INTS6: variants seen among roughly 807,000 people sequenced by gnomAD.
INTS6 encodes integrator complex subunit 6, also known as DEAD box protein.
In INTS6, 16 loss-of-function variants were observed where a neutral mutation model predicts 104.9. The observed-to-expected ratio is 0.15, with a 90% CI of 0.10 to 0.23. INTS6 has a LOEUF of 0.23. Ranked by LOEUF, INTS6 falls within the 10% of genes least tolerant of loss-of-function variation. The pLI, the probability that INTS6 is intolerant of heterozygous loss-of-function variation, is 1.00. For missense variants in INTS6, 584 were observed against 1,062.8 expected, an observed-to-expected ratio of 0.55 and a Z score of 6.26; for synonymous variants, 324 against 358.7, an observed-to-expected ratio of 0.90 and a Z score of 1.09.
intron 13 of INTS6, among the ~76,000 whole-genome samples, chr13:51,375,458 A>G (rs2137889339): frequency 6.9e-6 from 1 of 143,956 alleles, no homozygotes; most frequent in South Asian, 2.2e-4. Flanking sequence ...ATTTGTAGAA[A>G]ATGGAAGTAC....
chr13:51,445,363 T>C (rs765322404), intron 3 of INTS6: 11 of 152,362 alleles, frequency 7.2e-5, no homozygotes, highest in East Asian at 5.8e-4. Flanking sequence ...GTGATACTAA[T>C]AGATGTTTAA....
At chr13:51,396,473 C>T (rs1397595621) in intron 4 of INTS6, among the ~76,000 whole-genome samples, 1 of 152,032 alleles carries the variant, frequency 6.6e-6, no homozygotes, top group Non-Finnish European at 1.5e-5. Flanking sequence ...TATAATGGGC[C>T]CTTCTATACC....
At chr13:51,410,069 G>T (rs1410340814) in intron 4 of INTS6, among the ~76,000 whole-genome samples, 1 of 152,038 alleles carries the variant, frequency 6.6e-6, no homozygotes, top group African/African-American at 2.4e-5. Flanking sequence ...TACAAATATT[G>T]CTGAAAAAAT....
chr13:51,450,267 A>C (rs1157137433), intron 3 of INTS6: 59 of 984,740 alleles, frequency 6.0e-5, no homozygotes, highest in Non-Finnish European at 7.0e-5. Flanking sequence ...ATAATATCAT[A>C]AAATGTTACA....
At chr13:51,450,842 A>G in intron 3 of INTS6, 183 bp downstream of exon 3, 1 of 1,211,928 alleles carries the variant, frequency 8.3e-7, no homozygotes. Flanking sequence ...TTAGAGGGGG[A>G]AAAAATGAGG....
rs769789762 is a variant in INTS6, at chr13:51,452,002, G to C, written c.165C>G (p.Phe55Leu). 6.2e-7 allele frequency: 1 copy of C among 1,609,810 alleles called. No individual in the cohort carries two copies. The highest frequency in any genetic ancestry group is 8.5e-7 in the Non-Finnish European group (1 of 1,177,448). ...CCTTGATAGCATAGGGCGGCTCTTCGAAAGTGACCAGCATATACCTGTCTC... is the reference window on the plus strand; with the variant it reads ...CCTTGATAGCATAGGGCGGCTCTTCCAAAGTGACCAGCATATACCTGTCTC... The part of the protein sequence containing the change: ...SRGDRYMLVT[F>L]EEPPYAIKAG... The change falls in exon 2 of 18, where the codon TTC becomes TTG. Residue 55 changes from phenylalanine to leucine, a missense_variant. By Grantham distance (22) the Phe-to-Leu change is conservative. Coordinates refer to ENST00000311234, the MANE Select transcript of INTS6 (RefSeq NM_012141.3). The surrounding 1 kb of genome is among the most constrained non-coding windows in gnomAD (Gnocchi z 4.2).
chr13:51,385,290 G>A (rs1176921717), intron 7 of INTS6: 1 of 152,874 alleles, frequency 6.5e-6, no homozygotes, highest in Admixed American at 6.5e-5. Context: ...CTCCATTACA[G>A]TTGGCACACT....
intron 3 of INTS6, chr13:51,438,782 T>C (rs924074989): frequency 2.6e-5 from 4 of 152,202 alleles, no homozygotes; most frequent in African/African-American, 9.6e-5. Flanking sequence ...ATAAGCAAGA[T>C]AGTTCACAAC....
the INTS6 span, among the ~76,000 whole-genome samples, chr13:51,347,934 T>C: frequency 2.7e-5 from 4 of 150,042 alleles, no homozygotes; most frequent in Admixed American, 2.6e-4. Flanking sequence ...CACTACTCTA[T>C]GTGGTTCTGC....
At chr13:51,433,384 G>C (rs1308598759) in intron 3 of INTS6, among the ~76,000 whole-genome samples, 3 of 152,210 alleles carry the variant, frequency 2.0e-5, no homozygotes, top group Non-Finnish European at 4.4e-5. Flanking sequence ...GAAGGTGGAG[G>C]TTGCAGTGAG....
At chr13:51,408,237 A>G (rs60912357) in intron 4 of INTS6, among the ~76,000 whole-genome samples, 5 of 148,942 alleles carry the variant, frequency 3.4e-5, no homozygotes, top group Non-Finnish European at 7.4e-5. Context: ...TCTGCCTCCC[A>G]GGTTCAAGTG....
At chr13:51,408,826 C>T (rs971171613) in intron 4 of INTS6, among the ~76,000 whole-genome samples, 2 of 152,152 alleles carry the variant, frequency 1.3e-5, no homozygotes, top group Non-Finnish European at 2.9e-5. Context: ...CTTTAATCAT[C>T]TTATTTAATC....
chr13:51,393,903 T>A (rs1337915173), intron 5 of INTS6, among the ~76,000 whole-genome samples: 11 of 152,172 alleles, frequency 7.2e-5, no homozygotes, highest in Non-Finnish European at 2.9e-5. Flanking sequence ...TATAGTATAT[T>A]TAAGTCCCAA....
intron 4 of INTS6, among the ~76,000 whole-genome samples, chr13:51,407,575 G>A (rs1252570320): frequency 1.3e-5 from 2 of 151,884 alleles, no homozygotes; most frequent in Non-Finnish European, 2.9e-5. Context: ...AAATACAGAG[G>A]AAAAAATATA....
At chr13:51,338,447 GTGGATGGATGGATGGA>G in the INTS6 span, among the ~76,000 whole-genome samples, 11 of 149,090 alleles carry the variant, frequency 7.4e-5, no homozygotes, top group Non-Finnish European at 1.5e-4. Context: ...GGATGGATAG[GTGGATGGATGGATGGA>G]TGGATGGATG....
At position 51,417,768 on chromosome 13, in the gene INTS6, CTTT is replaced by C. The variant is rs201877432; in HGVS notation, c.429+12523_429+12525del. ...TACTGCACCCGGCCAGAAAATTATTCTTTTCTCATTAAACTGTCTTAACTCTTG... is the reference window on the plus strand; with the variant it reads ...TACTGCACCCGGCCAGAAAATTATTCTCTCATTAAACTGTCTTAACTCTTG... On this transcript the variant is annotated intron_variant, in intron 4 of 17. Coordinates refer to ENST00000311234, the MANE Select transcript of INTS6 (RefSeq NM_012141.3). 4.9e-3 allele frequency among the ~76,000 whole-genome samples: 745 copies of C among 152,156 alleles called. 7 individuals are homozygous for C. Among genetic ancestry groups the C allele is most frequent in the African/African-American group, 0.016 (651 of 41,530 alleles).
Position 51,378,369 on chromosome 13 carries a change from T to G in INTS6, c.1472A>C (p.His491Pro). The change falls in exon 12 of 18, where the codon CAT becomes CCT. Residue 491 changes from histidine (H) to proline (P), a missense_variant. Physicochemically the swap from His to Pro is moderately conservative, Grantham distance 77. Around this residue, in one of 5 missense-constraint regions of INTS6, gnomAD observed 74 missense variants for 64.4 expected, o/e 1.15. Coordinates refer to ENST00000311234, the MANE Select transcript of INTS6 (RefSeq NM_012141.3). ...ETGIKVRSRS[H>P]GLSMAYRKDF... Reference sequence around the variant, plus strand: ...TTTCCTATATGCCATTGATAAACCATGTGATCGGCTCCGGACTTTTATTCC... The same window carrying G: ...TTTCCTATATGCCATTGATAAACCAGGTGATCGGCTCCGGACTTTTATTCC... 1 of 1,613,530 alleles carries G rather than the reference T, an allele frequency of 6.2e-7. No individual in the cohort carries two copies. Among genetic ancestry groups the G allele is most frequent in the Non-Finnish European group, 8.5e-7 (1 of 1,179,528 alleles).
intron 3 of INTS6, chr13:51,441,852 ACT>A (rs1414741142): frequency 2.3e-5 from 3 of 129,114 alleles, no homozygotes; most frequent in African/African-American, 8.9e-5. Flanking sequence ...ACAGATTCCC[ACT>A]CTGTCACCCA....
intron 6 of INTS6, 96 bp downstream of exon 6, chr13:51,389,223 T>TAAGATAG: frequency 1.5e-6 from 2 of 1,347,486 alleles, no homozygotes; most frequent in Non-Finnish European, 2.0e-6. Flanking sequence ...AATTTGGCCT[T>TAAGATAG]GCCTATCTTA....
Sources: allele counts gnomAD v4.1 joint callset (sites outside exome capture counted in the v4.1 genomes callset), GRCh38; gene constraint gnomAD v4.1.1; regional missense constraint gnomAD v4.1.1; non-coding constraint Gnocchi (gnomAD v3.1); transcripts MANE v1.5; gene names NCBI Gene and HGNC (gene_info 2026-07-23, HGNC 2026-07-21).